CEP128: variants seen among roughly 807,000 people sequenced by gnomAD.
The protein encoded by CEP128 is centrosomal protein 128kDa.
In CEP128, 132 loss-of-function variants were observed where a neutral mutation model predicts 156.7. The ratio of observed to expected loss-of-function variants is 0.84; its 90% confidence interval spans 0.73 to 0.97. The LOEUF (loss-of-function observed/expected upper bound fraction) is 0.97. Ranked by LOEUF, CEP128 falls within the 50% of genes least tolerant of loss-of-function variation. The pLI, the probability that CEP128 is intolerant of heterozygous loss-of-function variation, is 0.00. For missense variants in CEP128, 1,252 were observed against 1,281.9 expected, an observed-to-expected ratio of 0.98 and a Z score of 0.36; for synonymous variants, 469 against 448.9, an observed-to-expected ratio of 1.04 and a Z score of -0.57.
Position 80,900,001 on chromosome 14 carries a change from T to C in CEP128, c.509A>G (p.Asp170Gly). The change falls in exon 7 of 25, where the codon GAC becomes GGC. Residue 170 changes from aspartate (D) to glycine (G), a missense_variant. Transcript: ENST00000555265. The part of the protein sequence containing the change: ...QLHGFHQSLR[D>G]LSSEQIRLGD... ...AAGGCGAATTTGTTCACTGCTGAGG[T>C]CTCGAAGAGACTGATGAAAACCATG... 6.2e-7 allele frequency: 1 copy of C among 1,612,676 alleles called. No individual in the cohort carries two copies. Among genetic ancestry groups the C allele is most frequent in the Non-Finnish European group, 8.5e-7 (1 of 1,179,168 alleles).
intron 2 of CEP128, among the ~76,000 whole-genome samples, chr14:80,932,911 A>AT (rs938423223): frequency 2.0e-5 from 3 of 151,980 alleles, no homozygotes; most frequent in Non-Finnish European, 2.9e-5. Context: ...AATAATAATG[A>AT]TTTTTTAAAA....
rs979609082 is a variant in CEP128 at position 80,771,086 on chromosome 14, C to T, written c.2376+6796G>A. 2.6e-5 allele frequency among the ~76,000 whole-genome samples: 4 copies of T among 152,242 alleles called. No individual in the cohort carries two copies. In the East Asian group the frequency reaches 7.7e-4, roughly 29 times the overall value. On this transcript the variant is annotated intron_variant, in intron 16 of 24. Coordinates refer to ENST00000555265, the MANE Select transcript of CEP128 (RefSeq NM_152446.5). ...AACTGAAACACAAAGTTTAAAAACA[C>T]TGATTCACTGTTTCCTCTCACAGAT...
At chr14:80,700,078 C>G (rs1199074922) in intron 19 of CEP128, among the ~76,000 whole-genome samples, 3 of 152,062 alleles carry the variant, frequency 2.0e-5, no homozygotes, top group Non-Finnish European at 4.4e-5. Flanking sequence ...TCTTCCAATT[C>G]TTGGGTATAC....
chr14:80,739,485 C>T (rs1275108851), intron 19 of CEP128, among the ~76,000 whole-genome samples: 11 of 152,132 alleles, frequency 7.2e-5, no homozygotes, highest in Admixed American at 5.9e-4. Context: ...TCCACCTGTT[C>T]GACCTCTCCC....
chr14:80,839,214 T>A (rs527305531), intron 10 of CEP128, among the ~76,000 whole-genome samples: 24 of 152,368 alleles, frequency 1.6e-4, no homozygotes, highest in African/African-American at 5.0e-4. Flanking sequence ...AATTTAGAGC[T>A]TATATGTGCT....
At chr14:80,949,258 G>A (rs555014745) in intron 2 of CEP128, among the ~76,000 whole-genome samples, 2 of 152,300 alleles carry the variant, frequency 1.3e-5, no homozygotes, top group Non-Finnish European at 2.9e-5. Flanking sequence ...GGTGCAAGGA[G>A]AGCGAACCCA....
At chr14:80,848,550 A>G (rs1375703579) in intron 9 of CEP128, among the ~76,000 whole-genome samples, 1 of 152,014 alleles carries the variant, frequency 6.6e-6, no homozygotes, top group East Asian at 1.9e-4. Flanking sequence ...AATTCCAACT[A>G]TTCAGGAGGC....
chr14:80,911,138 A>C (rs1389633923), intron 4 of CEP128, among the ~76,000 whole-genome samples: 1 of 152,208 alleles, frequency 6.6e-6, no homozygotes, highest in Admixed American at 6.5e-5. Flanking sequence ...ACTCCAACCT[A>C]AATCTATGAA....
intron 11 of CEP128, 61 bp from the exon 12 acceptor site, chr14:80,836,398 TG>T: frequency 2.5e-6 from 4 of 1,591,512 alleles, no homozygotes; most frequent in East Asian, 2.2e-5. Context: ...CTACTTCAAA[TG>T]GGCTATTGTA....
chr14:80,589,773 T>G (rs927108084), intron 19 of CEP128, among the ~76,000 whole-genome samples: 1 of 152,152 alleles, frequency 6.6e-6, no homozygotes, highest in East Asian at 1.9e-4. Flanking sequence ...GGGTAAGAAC[T>G]GTTTACCACT....
intron 8 of CEP128, among the ~76,000 whole-genome samples, chr14:80,879,291 G>A (rs144698821): frequency 3.0e-4 from 45 of 152,142 alleles, no homozygotes; most frequent in African/African-American, 1.0e-3. Context: ...AAATGATAAA[G>A]CAAGGAAATA....
downstream of CEP128, among the ~76,000 whole-genome samples, chr14:80,486,269 G>C (rs1445216550): frequency 1.3e-5 from 2 of 152,174 alleles, no homozygotes; most frequent in African/African-American, 4.8e-5. Context: ...AAGGGTATCA[G>C]TGATGGAAGA....
chr14:80,892,358 C>T (rs1042056280), intron 8 of CEP128, among the ~76,000 whole-genome samples: 3 of 151,738 alleles, frequency 2.0e-5, no homozygotes, highest in Non-Finnish European at 1.5e-5. Flanking sequence ...GAATTTCACA[C>T]ACAAAAGAAT....
intron 18 of CEP128, among the ~76,000 whole-genome samples, chr14:80,750,528 G>A (rs144409341): frequency 7.5e-4 from 114 of 152,106 alleles, no homozygotes; most frequent in African/African-American, 2.6e-3. Context: ...AAACAAAATC[G>A]GTCCCAGCAT....
At chr14:80,555,505 C>T (rs1421652196) in intron 21 of CEP128, among the ~76,000 whole-genome samples, 1 of 152,080 alleles carries the variant, frequency 6.6e-6, no homozygotes, top group African/African-American at 2.4e-5. Context: ...TCTTTAAACA[C>T]TCCTTTAAGT....
At chr14:80,898,265 A>C (rs1229423470) in intron 7 of CEP128, among the ~76,000 whole-genome samples, 1 of 152,236 alleles carries the variant, frequency 6.6e-6, no homozygotes, top group Non-Finnish European at 1.5e-5. Flanking sequence ...TAGAAAGTTA[A>C]ACTTTTTAAC....
chr14:80,791,671 A>G (rs901931350), intron 14 of CEP128, among the ~76,000 whole-genome samples: 2 of 152,160 alleles, frequency 1.3e-5, no homozygotes, highest in African/African-American at 2.4e-5. Flanking sequence ...AAGCTTCAGA[A>G]CTGCTTTACT....
intron 21 of CEP128, among the ~76,000 whole-genome samples, chr14:80,550,557 A>AT (rs1346837144): frequency 3.9e-5 from 6 of 151,974 alleles, no homozygotes; most frequent in Admixed American, 6.6e-5. Flanking sequence ...TAAAAGACAG[A>AT]TTTTTTCTTG....
chr14:80,844,937 T>C (rs1165096575), intron 9 of CEP128, among the ~76,000 whole-genome samples: 2 of 152,240 alleles, frequency 1.3e-5, no homozygotes, highest in East Asian at 1.9e-4. Flanking sequence ...GTTTAGGGCA[T>C]CCAGTGCCAA....
Sources: gnomAD v4.1 joint callset for allele counts (sites outside exome capture counted in the v4.1 genomes callset) on GRCh38, gnomAD v4.1.1 for gene constraint, MANE v1.5 for transcripts, NCBI Gene and HGNC (gene_info 2026-07-23, HGNC 2026-07-21) for gene names.